The following RCL1 variants were observed in gnomAD, a reference collection of about 807,000 sequenced individuals.
RCL1 encodes the protein RNA terminal phosphate cyclase like 1, also known as RNA 3'-terminal phosphate cyclase-like protein.
Under a neutral mutation model 42.4 loss-of-function variants are expected in RCL1, and 24 were observed. The ratio of observed to expected loss-of-function variants is 0.57; its 90% CI spans 0.41 to 0.80. The LOEUF (loss-of-function observed/expected upper bound fraction) is 0.80, where lower values mean the gene tolerates loss of function less well. RCL1 is among the 30% of genes least tolerant of loss of function. The pLI is 0.00. For synonymous variants in RCL1, 228 were observed against 177.3 expected, an observed-to-expected ratio of 1.29 and a Z score of -2.27; for missense variants, 578 against 467.9, an observed-to-expected ratio of 1.24 and a Z score of -2.17.
intron 1 of RCL1, among the ~76,000 whole-genome samples, chr9:4,800,989 G>A (rs1414924239): frequency 6.6e-6 from 1 of 152,110 alleles, no homozygotes; most frequent in Non-Finnish European, 1.5e-5. Flanking sequence ...TGTAGTGTAT[G>A]AGGGATTCAG....
chr9:4,831,532 A>C (rs754563405), intron 3 of RCL1, among the ~76,000 whole-genome samples: 7 of 152,168 alleles, frequency 4.6e-5, no homozygotes, highest in Non-Finnish European at 8.8e-5. Context: ...GCTGGAGTGC[A>C]GTGGCATGAT....
chr9:4,831,248 C>T (rs1029365178), intron 3 of RCL1, among the ~76,000 whole-genome samples: 1 of 151,722 alleles, frequency 6.6e-6, no homozygotes, highest in African/African-American at 2.4e-5. Context: ...GTAAATTTGG[C>T]TTCACTCTTT....
chr9:4,836,324 T>G (rs1011861496), intron 5 of RCL1, among the ~76,000 whole-genome samples: 7 of 152,044 alleles, frequency 4.6e-5, no homozygotes, highest in African/African-American at 1.7e-4. Context: ...GGGTGGGTGC[T>G]GGAGCATTGG....
At chr9:4,806,017 G>GGTGTGTGTGTGTGTGT (rs58494209) in intron 1 of RCL1, among the ~76,000 whole-genome samples, 1 of 142,738 alleles carries the variant, frequency 7.0e-6, no homozygotes, top group African/African-American at 2.6e-5. Context: ...ATACCATTGG[G>GGTGTGTGTGTGTGTGT]GTGTGTGTGT....
intron 8 of RCL1, among the ~76,000 whole-genome samples, chr9:4,852,187 A>T (rs1364370581): frequency 1.3e-5 from 2 of 152,174 alleles, no homozygotes; most frequent in Admixed American, 6.5e-5. Flanking sequence ...GGCCAATGTG[A>T]AACTCTTTTA....
chr9:4,813,607 A>C (rs1291705969), intron 1 of RCL1, among the ~76,000 whole-genome samples: 1 of 152,248 alleles, frequency 6.6e-6, no homozygotes, highest in African/African-American at 2.4e-5. Flanking sequence ...AAACTAGTTC[A>C]GCCATTGTGG....
At chr9:4,796,002 GC>G (rs1436476575) in intron 1 of RCL1, among the ~76,000 whole-genome samples, 1 of 152,186 alleles carries the variant, frequency 6.6e-6, no homozygotes, top group East Asian at 1.9e-4. Flanking sequence ...ACGAAGGAAG[GC>G]AGGTTTTCTG....
chr9:4,857,026 G>C (rs1817984474), intron 8 of RCL1, among the ~76,000 whole-genome samples: 1 of 152,234 alleles, frequency 6.6e-6, no homozygotes, highest in Non-Finnish European at 1.5e-5. Context: ...GTAGGGGTGA[G>C]AACCAGGATC....
chr9:4,806,030 G>GTGTGTGTT (rs1554636243), intron 1 of RCL1, among the ~76,000 whole-genome samples: 4 of 140,376 alleles, frequency 2.8e-5, no homozygotes, highest in Non-Finnish European at 4.6e-5. Flanking sequence ...GTGTGTGTGT[G>GTGTGTGTT]TGTGTGTGTG....
At chr9:4,804,788 A>C in intron 1 of RCL1, 1 of 179,152 alleles carries the variant, frequency 5.6e-6, no homozygotes, top group Non-Finnish European at 1.2e-5. Flanking sequence ...GCGAATTGGA[A>C]GGGATGAAGT....
At chr9:4,845,009 A>C (rs1158919474) in intron 7 of RCL1, among the ~76,000 whole-genome samples, 1 of 152,200 alleles carries the variant, frequency 6.6e-6, no homozygotes, top group Non-Finnish European at 1.5e-5. Context: ...GCCCTAGCCA[A>C]AGAGAGTACC....
intron 1 of RCL1, among the ~76,000 whole-genome samples, chr9:4,823,080 C>T (rs1422473698): frequency 3.3e-5 from 5 of 152,276 alleles, no homozygotes; most frequent in African/African-American, 1.2e-4. Flanking sequence ...TGATCTCTTA[C>T]TGTCTCTGAG....
intron 1 of RCL1, among the ~76,000 whole-genome samples, chr9:4,814,482 G>T (rs1024962225): frequency 6.6e-6 from 1 of 152,114 alleles, no homozygotes; most frequent in South Asian, 2.1e-4. Flanking sequence ...TGCCCAGGCT[G>T]GTCGCCAACT....
intron 7 of RCL1, among the ~76,000 whole-genome samples, chr9:4,845,292 C>T (rs1417689635): frequency 6.6e-6 from 1 of 152,208 alleles, no homozygotes; most frequent in East Asian, 1.9e-4. Flanking sequence ...AACCTAAGAA[C>T]ATGGAACAGA....
intron 1 of RCL1, among the ~76,000 whole-genome samples, chr9:4,793,897 C>T (rs17661798): frequency 3.3e-5 from 5 of 152,190 alleles, no homozygotes; most frequent in African/African-American, 1.2e-4. Context: ...CGGTGACAAT[C>T]GCTAAACTGC....
At chr9:4,818,693 C>T (rs889023480) in intron 1 of RCL1, among the ~76,000 whole-genome samples, 5 of 152,070 alleles carry the variant, frequency 3.3e-5, no homozygotes, top group East Asian at 3.9e-4. Context: ...CCATCCTGTC[C>T]GGCATGGTGA....
intron 1 of RCL1, among the ~76,000 whole-genome samples, chr9:4,797,331 C>T (rs769299042): frequency 6.6e-6 from 1 of 152,200 alleles, no homozygotes; most frequent in Admixed American, 6.5e-5. Flanking sequence ...TGCTCCCTGG[C>T]ATGCCAAATC....
chr9:4,827,227 C>T (rs752666909), intron 3 of RCL1, 194 bp downstream of exon 3: 8 of 1,508,242 alleles, frequency 5.3e-6, no homozygotes, highest in Non-Finnish European at 6.2e-6. Flanking sequence ...AAATTCAGGA[C>T]TATTGTTAAC....
chr9:4,805,918 T>C (rs1815934815), intron 1 of RCL1, among the ~76,000 whole-genome samples: 1 of 152,182 alleles, frequency 6.6e-6, no homozygotes, highest in African/African-American at 2.4e-5. Context: ...GTTAGAATTG[T>C]TTGTAAATAT....
Sources: allele counts gnomAD v4.1 joint callset (sites outside exome capture counted in the v4.1 genomes callset), GRCh38; gene constraint gnomAD v4.1.1; transcripts MANE v1.5; gene names NCBI Gene and HGNC (gene_info 2026-07-23, HGNC 2026-07-21).